CDC42BPG: variants seen among roughly 807,000 people sequenced by gnomAD.
CDC42BPG encodes the protein CDC42 binding protein kinase gamma.
In CDC42BPG, 157 loss-of-function variants were observed where a neutral mutation model predicts 192.2. That is an observed-to-expected ratio of 0.82 (90% confidence interval 0.72 to 0.93). The LOEUF (loss-of-function observed/expected upper bound fraction) is 0.93, where lower values mean the gene tolerates loss of function less well. Among genes scored for constraint, CDC42BPG ranks in the 40% least tolerant of loss-of-function variants. The pLI is 0.00. For synonymous variants in CDC42BPG, 981 were observed against 918.5 expected (o/e 1.07, Z -1.23); for missense variants, 1,992 against 2,122.1 (o/e 0.94, Z 1.20).
In CDC42BPG at chr11:64,835,539, G is replaced by C. The variant is rs1296043080; in HGVS notation, c.1841C>G (p.Ala614Gly). The change falls in exon 15 of 37, where the codon GCC (alanine) becomes GGC (glycine). Residue 614 changes from alanine to glycine, a missense_variant. Coordinates refer to ENST00000342711, the MANE Select transcript of CDC42BPG (RefSeq NM_017525.3). ...CTGCTCCAGCTGCTCTCGCAGGGCG[G>C]CCACCTCCTTCCTCAGTTGGGCCTC... ...PQEAQLRKEV[A>G]ALREQLEQAH... The C allele has an allele frequency of 6.3e-7, 1 of 1,593,096 alleles. No individual in the cohort carries two copies. Among genetic ancestry groups the C allele is most frequent in the Admixed American group, 1.7e-5 (1 of 58,894 alleles).
chr11:64,836,507 A>G lies in CDC42BPG; in HGVS notation c.1408T>C (p.Leu470=). 2 of 1,613,372 alleles carry G rather than the reference A, an allele frequency of 1.2e-6. No individual in the cohort carries two copies. Among genetic ancestry groups the G allele is most frequent in the Non-Finnish European group, 8.5e-7 (1 of 1,179,942 alleles). The change falls in exon 12 of 37, where the codon TTG becomes CTG. Residue 470 remains leucine, a synonymous_variant. Coordinates refer to ENST00000342711, the MANE Select transcript of CDC42BPG (RefSeq NM_017525.3). ...LPEMLRDKAS[L]SQTDGPPAGS... ...GCTGGGGGCCCATCCGTCTGGGACA[A>G]TGAGGCCTTGTCCCTCAGCATCTCT...
Position 64,844,584 on chromosome 11 carries a change from C to T in CDC42BPG, c.-15G>A, listed in dbSNP as rs985085305. On this transcript the variant is annotated 5_prime_UTR_variant, in exon 1 of 37. Transcript: ENST00000342711. Reference sequence around the variant, plus strand: ...CGCCGCTCCATGGCTGCGGCCGGAGCCTCGCTGCTCGGCTACAGTCTGGCC... The same window carrying T: ...CGCCGCTCCATGGCTGCGGCCGGAGTCTCGCTGCTCGGCTACAGTCTGGCC... 14 of 1,259,328 alleles carry T rather than the reference C, an allele frequency of 1.1e-5. No homozygotes were observed. The highest frequency in any genetic ancestry group is 2.8e-5 in the South Asian group (1 of 35,506). The allele number at this position is 1,259,328 out of a possible 1,614,324, so 78.0% of individuals were successfully genotyped here. A position where few individuals can be genotyped will look rare whatever the true frequency, so the allele number is the denominator to read the frequency against.
At chr11:64,835,685 C>T (rs778582189) in intron 14 of CDC42BPG, 64 bp from the exon 15 acceptor site, 79 of 1,595,320 alleles carry the variant, frequency 5.0e-5, no homozygotes, top group Non-Finnish European at 6.2e-5. Flanking sequence ...ACCTGGGACA[C>T]AGGCCTGGCC....
Position 64,824,134 on chromosome 11 carries a change from A to C in CDC42BPG, c.*339T>G, listed in dbSNP as rs1435357221. The C allele has an allele frequency of 2.6e-6, 1 of 379,610 alleles. No individual in the cohort carries two copies. Among genetic ancestry groups the C allele is most frequent in the Non-Finnish European group, 5.0e-6 (1 of 202,018 alleles). The allele number at this position is 379,610 out of a possible 1,614,324, so 23.5% of individuals were successfully genotyped here. A position where few individuals can be genotyped will look rare whatever the true frequency, so the allele number is the denominator to read the frequency against. On this transcript the variant is annotated 3_prime_UTR_variant, in exon 37 of 37. Coordinates refer to ENST00000342711, the MANE Select transcript of CDC42BPG (RefSeq NM_017525.3). ...GTTCCCAGAGACCCAGTCCCTCTCCATCCCTCATCCCAACTCTTACAAGCC... is the reference window on the plus strand; with the variant it reads ...GTTCCCAGAGACCCAGTCCCTCTCCCTCCCTCATCCCAACTCTTACAAGCC...
At position 64,836,726 on chromosome 11, in the gene CDC42BPG, G is replaced by GGGGGGGGGGGGGGGCC; in HGVS notation, c.1384+12_1384+13insGGCCCCCCCCCCCCCC. On this transcript the variant is annotated intron_variant, in intron 11 of 36. Transcript: ENST00000342711. ...AGCCCTGGGGGGGGGGGGGGGGTGG[G>GGGGGGGGGGGGGGGCC]CGGAAGGGATACCTGGCAGCCTGTC... is the stretch of plus-strand genomic sequence containing the variant. 1.1e-6 allele frequency: 1 copy of GGGGGGGGGGGGGGGCC among 889,336 alleles called. No individual in the cohort carries two copies. The highest frequency in any genetic ancestry group is 3.7e-4 in the Middle Eastern group (1 of 2,702). 55.1% of individuals were successfully genotyped at this position (889,336 alleles called of 1,614,324 possible).
intron 23 of CDC42BPG, 96 bp downstream of exon 23, chr11:64,833,504 G>A: frequency 8.1e-7 from 1 of 1,240,284 alleles, no homozygotes; most frequent in Non-Finnish European, 1.1e-6. Flanking sequence ...AATTGTGCCT[G>A]CTAGCCACGA....
intron 20 of CDC42BPG, 61 bp from the exon 21 acceptor site, chr11:64,834,038 A>G (rs1942847717): frequency 1.9e-6 from 3 of 1,602,744 alleles, no homozygotes; most frequent in African/African-American, 1.3e-5. Flanking sequence ...AGGGTCCAGG[A>G]GGGGCCTCAG....
chr11:64,836,100 C>T lies in CDC42BPG; in HGVS notation c.1668+17G>A. The T allele has an allele frequency of 6.3e-7, 1 of 1,588,476 alleles. No individual in the cohort carries two copies. The highest frequency in any genetic ancestry group is 8.6e-7 in the Non-Finnish European group (1 of 1,169,582). On this transcript the variant is annotated intron_variant, in intron 13 of 36. Transcript: ENST00000342711. ...GGCAGGGCCCAGGTGCTGTCCCTAC[C>T]CACCCTGGTCACTCACCTCCCTCTG...
chr11:64,838,507 C>T lies in CDC42BPG; in HGVS notation c.1125+147G>A, dbSNP rs1186766718. On this transcript the variant is annotated intron_variant, in intron 8 of 36. Coordinates refer to ENST00000342711, the MANE Select transcript of CDC42BPG (RefSeq NM_017525.3). ...CTGGGCCAGCGGATGGTGGCTGGAA[C>T]GGGTCAGTCTGGGAGTCCATAAATC... is the stretch of plus-strand genomic sequence containing the variant. 1.2e-5 allele frequency: 14 copies of T among 1,131,518 alleles called. No homozygotes were observed. The South Asian group carries it at 1.8e-4, about 14-fold the overall frequency. 70.1% of individuals were successfully genotyped at this position (1,131,518 alleles called of 1,614,324 possible).
intron 4 of CDC42BPG, 113 bp downstream of exon 4, chr11:64,840,439 TG>T: frequency 7.3e-7 from 1 of 1,378,556 alleles, no homozygotes; most frequent in South Asian, 1.3e-5. Flanking sequence ...TGGTGGGAAG[TG>T]GGAGTCTCTT....
rs780390603 is a variant in CDC42BPG, at chr11:64,827,385, G to A, written c.4164C>T (p.Phe1388=). The A allele has an allele frequency of 2.0e-5, 32 of 1,613,560 alleles. No homozygotes were observed. Among genetic ancestry groups the A allele is most frequent in the Non-Finnish European group, 2.7e-5 (32 of 1,179,500 alleles). The change falls in exon 33 of 37, where the codon TTC becomes TTT. Residue 1388 remains phenylalanine (F), a synonymous_variant. Transcript: ENST00000342711. ...LRNQLAEKDE[F]DIPDLTDNSR... is the part of the protein sequence containing the mutation. ...TGTTGTCGGTGAGGTCCGGGATGTCGAACTCGTCCTTCTCTGTGGGAGAAG... is the reference window on the plus strand; with the variant it reads ...TGTTGTCGGTGAGGTCCGGGATGTCAAACTCGTCCTTCTCTGTGGGAGAAG...
At chr11:64,832,365 G>A in intron 27 of CDC42BPG, 63 bp downstream of exon 27, 1 of 1,526,782 alleles carries the variant, frequency 6.5e-7, no homozygotes, top group Non-Finnish European at 9.0e-7. Context: ...GGGGACAGTG[G>A]CCAGAGCTGG....
chr11:64,842,748 G>T (rs1242128276), intron 1 of CDC42BPG, among the ~76,000 whole-genome samples: 2 of 152,208 alleles, frequency 1.3e-5, no homozygotes, highest in Non-Finnish European at 2.9e-5. Context: ...TCCAGGCCTG[G>T]ATTAGCCCCA....
intron 27 of CDC42BPG, 66 bp from the exon 28 acceptor site, chr11:64,831,787 C>G: frequency 7.0e-7 from 1 of 1,426,528 alleles, no homozygotes; most frequent in Non-Finnish European, 9.5e-7. Context: ...CCCTTCCTGC[C>G]TCCAGCAGCC....
At chr11:64,833,098 A>G (rs1443913451) in intron 24 of CDC42BPG, 133 bp downstream of exon 24, 24 of 1,293,014 alleles carry the variant, frequency 1.9e-5, no homozygotes, top group Non-Finnish European at 2.6e-5. Flanking sequence ...TCAAGTGAGA[A>G]AAGGAACAAA....
chr11:64,839,210 C>T lies in CDC42BPG; in HGVS notation c.699G>A (p.Gly233=), dbSNP rs758694988. 1 of 1,613,232 alleles carries T rather than the reference C, an allele frequency of 6.2e-7. No individual in the cohort carries two copies. Among genetic ancestry groups the T allele is most frequent in the Non-Finnish European group, 8.5e-7 (1 of 1,180,026 alleles). The part of the protein sequence containing the change: ...NGMVDSSVAV[G]TPDYISPEIL... ...TCTCAGGGGAGATATAGTCCGGCGT[C>T]CCTACTGCCACTGATGAATCCACCT... The change falls in exon 7 of 37, where the codon GGG becomes GGA. Residue 233 remains glycine, a synonymous_variant. Coordinates refer to ENST00000342711, the MANE Select transcript of CDC42BPG (RefSeq NM_017525.3).
At chr11:64,837,787 A>G (rs895649435) in intron 9 of CDC42BPG, among the ~76,000 whole-genome samples, 5 of 152,140 alleles carry the variant, frequency 3.3e-5, no homozygotes, top group African/African-American at 7.2e-5. Context: ...ACAGAGCCAC[A>G]AAGTGAGGCC....
chr11:64,832,263 A>G (rs1035536910), intron 27 of CDC42BPG, among the ~76,000 whole-genome samples, 165 bp downstream of exon 27: 2 of 152,242 alleles, frequency 1.3e-5, no homozygotes, highest in Admixed American at 6.5e-5. Context: ...GGGAAGCCAC[A>G]GCAGATCCTA....
Position 64,841,752 on chromosome 11 carries a change from C to G in CDC42BPG, c.253-19G>C. 1 of 1,613,802 alleles carries G rather than the reference C, an allele frequency of 6.2e-7. No individual in the cohort carries two copies. The highest frequency in any genetic ancestry group is 1.1e-5 in the South Asian group (1 of 91,082). On this transcript the variant is annotated intron_variant, in intron 2 of 36. Coordinates refer to ENST00000342711, the MANE Select transcript of CDC42BPG (RefSeq NM_017525.3). Reference sequence around the variant, plus strand: ...CGGTGACCTAAGGCCACAGGGAGGACCGGGGTGAGCCCAGCCCGGTGTGAA... The same window carrying G: ...CGGTGACCTAAGGCCACAGGGAGGAGCGGGGTGAGCCCAGCCCGGTGTGAA...
Sources: allele counts gnomAD v4.1 joint callset (sites outside exome capture counted in the v4.1 genomes callset), GRCh38; gene constraint gnomAD v4.1.1; transcripts MANE v1.5; gene names NCBI Gene and HGNC (gene_info 2026-07-23, HGNC 2026-07-21).